SLC49A4: variants seen among roughly 807,000 people sequenced by gnomAD.
SLC49A4 encodes solute carrier family 49 member 4, also known as disrupted in renal cancer protein 2.
In SLC49A4, 36 loss-of-function variants were observed where a neutral mutation model predicts 50.6. The ratio of observed to expected loss-of-function variants is 0.71; its 90% CI spans 0.55 to 0.94. SLC49A4 has a LOEUF of 0.94. Ranked by LOEUF, SLC49A4 falls within the 40% of genes least tolerant of loss-of-function variation. The pLI, the probability that SLC49A4 is intolerant of heterozygous loss-of-function variation, is 0.00. For missense variants in SLC49A4, 503 were observed against 605.7 expected (o/e 0.83, Z 1.78); for synonymous variants, 248 against 241.2 (o/e 1.03, Z -0.26).
At chr3:122,819,696 T>C (rs1036043590) in intron 2 of SLC49A4, among the ~76,000 whole-genome samples, 1 of 152,348 alleles carries the variant, frequency 6.6e-6, no homozygotes, top group East Asian at 1.9e-4. Context: ...GTCTTCCTTT[T>C]TCCTGTAGTT....
rs1936539128 is a variant in SLC49A4, at chr3:122,826,980, A to C, written c.618A>C (p.Pro206=). 1.2e-6 allele frequency: 2 copies of C among 1,614,096 alleles called. No individual in the cohort carries two copies. Among genetic ancestry groups the C allele is most frequent in the Non-Finnish European group, 1.7e-6 (2 of 1,180,036 alleles). Residue 206 remains proline, a synonymous_variant, in exon 3 of 9, where the codon CCA becomes CCC. Transcript: ENST00000261038. ...CAFLVGPLVV[P]APNGTSPLLA... ...TTTTAGTTGGACCACTTGTTGTTCC[A>C]GCTCCCAATGGGACATCACCTCTTC...
chr3:122,876,116 G>A (rs1017530615), intron 8 of SLC49A4, among the ~76,000 whole-genome samples: 1 of 152,168 alleles, frequency 6.6e-6, no homozygotes, highest in African/African-American at 2.4e-5. Flanking sequence ...GTTGCTTCCT[G>A]TGTTTGTTTT....
intron 1 of SLC49A4, among the ~76,000 whole-genome samples, chr3:122,798,132 A>G (rs536744634): frequency 3.9e-5 from 6 of 152,290 alleles, no homozygotes; most frequent in Middle Eastern, 3.4e-3. Context: ...TGTTACATTT[A>G]GTTGTAATTT....
At chr3:122,849,287 C>T (rs1264878802) in intron 5 of SLC49A4, among the ~76,000 whole-genome samples, 2 of 152,088 alleles carry the variant, frequency 1.3e-5, no homozygotes, top group African/African-American at 4.8e-5. Context: ...TTTTCATATA[C>T]TGATTTTATA....
At chr3:122,861,280 G>C (rs1937055727) in intron 7 of SLC49A4, among the ~76,000 whole-genome samples, 1 of 152,086 alleles carries the variant, frequency 6.6e-6, no homozygotes, top group South Asian at 2.1e-4. Flanking sequence ...GGGAGGGAGG[G>C]CATTACTCTG....
At chr3:122,803,737 A>G (rs1017643146) in intron 1 of SLC49A4, among the ~76,000 whole-genome samples, 5 of 151,948 alleles carry the variant, frequency 3.3e-5, no homozygotes, top group African/African-American at 1.2e-4. Context: ...GATTTAGTCA[A>G]CTCTGCAGCC....
chr3:122,831,538 C>G (rs572829174), intron 3 of SLC49A4, among the ~76,000 whole-genome samples: 1 of 152,172 alleles, frequency 6.6e-6, no homozygotes, highest in Non-Finnish European at 1.5e-5. Flanking sequence ...TTATATGATT[C>G]CATTTATAGG....
intron 4 of SLC49A4, among the ~76,000 whole-genome samples, chr3:122,842,481 G>A (rs1449593824): frequency 3.2e-5 from 2 of 62,716 alleles, no homozygotes; most frequent in East Asian, 4.9e-4. Flanking sequence ...GCGAGACTCC[G>A]TCTCAAAAAA....
chr3:122,848,361 A>G (rs2107575065), intron 5 of SLC49A4, among the ~76,000 whole-genome samples: 1 of 152,276 alleles, frequency 6.6e-6, no homozygotes, highest in African/African-American at 2.4e-5. Flanking sequence ...TCCCTGCACC[A>G]ATACCAAATT....
intron 1 of SLC49A4, among the ~76,000 whole-genome samples, chr3:122,802,648 A>G (rs1422644235): frequency 6.6e-6 from 1 of 152,238 alleles, no homozygotes; most frequent in East Asian, 1.9e-4. Flanking sequence ...AGAAGAAAGA[A>G]AGCATGAGCA....
At chr3:122,863,392 T>C (rs1471623163) in intron 7 of SLC49A4, among the ~76,000 whole-genome samples, 1 of 152,232 alleles carries the variant, frequency 6.6e-6, no homozygotes, top group Non-Finnish European at 1.5e-5. Flanking sequence ...ATATGTTATC[T>C]CCATTTGAGC....
At chr3:122,873,538 C>T (rs943765792) in intron 8 of SLC49A4, among the ~76,000 whole-genome samples, 23 of 152,202 alleles carry the variant, frequency 1.5e-4, no homozygotes, top group Non-Finnish European at 2.8e-4. Flanking sequence ...CAACTTCTGG[C>T]ATAGCACTTT....
chr3:122,812,523 C>T (rs1010492529), intron 2 of SLC49A4, among the ~76,000 whole-genome samples: 1 of 152,294 alleles, frequency 6.6e-6, no homozygotes, highest in South Asian at 2.1e-4. Context: ...GATCCCAGGG[C>T]TCCAACCCAG....
At chr3:122,827,320 A>G (rs1936544277) in intron 3 of SLC49A4, among the ~76,000 whole-genome samples, 2 of 152,168 alleles carry the variant, frequency 1.3e-5, no homozygotes, top group Admixed American at 1.3e-4. Flanking sequence ...CTTTTCATCT[A>G]TTTACGGTTA....
chr3:122,850,217 G>T (rs1415518719), intron 5 of SLC49A4, among the ~76,000 whole-genome samples: 3 of 152,154 alleles, frequency 2.0e-5, no homozygotes, highest in African/African-American at 7.2e-5. Context: ...TGAGAACGAT[G>T]TTAATATCAC....
intron 1 of SLC49A4, among the ~76,000 whole-genome samples, chr3:122,804,395 G>A (rs138512954): frequency 1.3e-5 from 2 of 152,188 alleles, no homozygotes; most frequent in East Asian, 1.9e-4. Context: ...ACATTTCAAC[G>A]TGAGACCTGA....
At chr3:122,822,942 C>T (rs1184792280) in intron 2 of SLC49A4, among the ~76,000 whole-genome samples, 1 of 152,118 alleles carries the variant, frequency 6.6e-6, no homozygotes, top group Non-Finnish European at 1.5e-5. Context: ...ATCACCTTAA[C>T]GGTTCTCCAG....
At chr3:122,821,749 A>G (rs1936455732) in intron 2 of SLC49A4, among the ~76,000 whole-genome samples, 1 of 152,220 alleles carries the variant, frequency 6.6e-6, no homozygotes, top group South Asian at 2.1e-4. Context: ...GTTATGTCAC[A>G]TTGGCCTTGC....
At chr3:122,858,002 C>G (rs75611702) in intron 6 of SLC49A4, among the ~76,000 whole-genome samples, 2 of 152,114 alleles carry the variant, frequency 1.3e-5, no homozygotes, top group African/African-American at 4.8e-5. Context: ...ACTACCCTTA[C>G]TCTGGGATCT....
Sources: allele counts gnomAD v4.1 joint callset (sites outside exome capture counted in the v4.1 genomes callset), GRCh38; gene constraint gnomAD v4.1.1; transcripts MANE v1.5; gene names NCBI Gene and HGNC (gene_info 2026-07-23, HGNC 2026-07-21).